Variants in KMT2C observed in about 807,000 individuals in gnomAD.
The protein encoded by KMT2C is lysine methyltransferase 2C.
KMT2C carries 88 observed loss-of-function variants against 507.9 expected under a neutral mutation model. That is an observed-to-expected ratio of 0.17 (90% CI 0.15 to 0.21). The LOEUF (loss-of-function observed/expected upper bound fraction) is 0.21, where lower values mean the gene tolerates loss of function less well. Ranked by LOEUF, KMT2C falls within the 10% of genes least tolerant of loss-of-function variation. The pLI, the probability that KMT2C is intolerant of heterozygous loss-of-function variation, is 1.00. For missense variants in KMT2C, 4,954 were observed against 5,957.8 expected (o/e 0.83, Z 5.55); for synonymous variants, 2,049 against 2,080.8 (o/e 0.98, Z 0.42).
rs184570686 is a variant in KMT2C at position 152,162,101 on chromosome 7, T to C, written c.11460+16A>G. The C allele has an allele frequency of 4.0e-5, 60 of 1,500,604 alleles. No homozygotes were observed. In the East Asian group the frequency reaches 1.2e-3, roughly 30 times the overall value. 93.0% of individuals were successfully genotyped at this position (1,500,604 alleles called of 1,614,324 possible). On this transcript the variant is annotated intron_variant, in intron 43 of 58. Transcript: ENST00000262189. The stretch of plus-strand genomic sequence containing the variant: ...AACAAAAGAAAAAAGTTGTCGTTTT[T>C]ATGATTTACACTTACCAGTCCTTCA...
intron 38 of KMT2C, 149 bp downstream of exon 38, chr7:152,176,042 C>A: frequency 1.1e-6 from 1 of 897,338 alleles, no homozygotes; most frequent in Admixed American, 2.6e-5. Flanking sequence ...GACTCCGTCT[C>A]AAAACAAAAC....
chr7:152,325,711 G>A (rs1461294873), intron 3 of KMT2C, among the ~76,000 whole-genome samples: 2 of 152,104 alleles, frequency 1.3e-5, no homozygotes, highest in Non-Finnish European at 2.9e-5. Context: ...CTCCCAAAGT[G>A]CTAGGATTAT....
chr7:152,415,004 T>C (rs889073028), intron 1 of KMT2C, among the ~76,000 whole-genome samples: 5 of 151,902 alleles, frequency 3.3e-5, no homozygotes, highest in African/African-American at 1.2e-4. Flanking sequence ...GCATACCACA[T>C]GCAGCTAATT....
At chr7:152,150,742 C>T (rs1361851362) in intron 51 of KMT2C, among the ~76,000 whole-genome samples, 158 bp downstream of exon 51, 1 of 152,148 alleles carries the variant, frequency 6.6e-6, no homozygotes, top group Non-Finnish European at 1.5e-5. Context: ...CTCAAGGCTC[C>T]CTACACCCTC....
intron 3 of KMT2C, among the ~76,000 whole-genome samples, chr7:152,318,238 A>G (rs900338371): frequency 6.6e-6 from 1 of 152,216 alleles, no homozygotes; most frequent in African/African-American, 2.4e-5. Context: ...AATGTAAACC[A>G]AAACCACCAA....
chr7:152,304,357 T>C (rs1355341629), intron 6 of KMT2C, among the ~76,000 whole-genome samples: 1 of 152,204 alleles, frequency 6.6e-6, no homozygotes, highest in East Asian at 1.9e-4. Context: ...AATAAAAATA[T>C]TGAATGTTTA....
chr7:152,366,939 G>A (rs2097251841), intron 1 of KMT2C: 2 of 486,716 alleles, frequency 4.1e-6, no homozygotes, highest in South Asian at 4.9e-5. Flanking sequence ...TGGCGGGCAC[G>A]ATCGCAAGGT....
chr7:152,424,633 G>A (rs546200148), intron 1 of KMT2C, among the ~76,000 whole-genome samples: 7 of 152,096 alleles, frequency 4.6e-5, no homozygotes, highest in South Asian at 2.1e-4. Flanking sequence ...TATATTGCCC[G>A]GGCTGGTCTT....
chr7:152,271,989 A>G lies in KMT2C; in HGVS notation c.1012+1716T>C, dbSNP rs1224902088. ...AATTTGTGGTTACGTCTGGAGTTAT[A>G]TATTTTTGGGGGGGGTCTCTCTATT... On this transcript the variant is annotated intron_variant, in intron 7 of 58. Coordinates refer to ENST00000262189, the MANE Select transcript of KMT2C (RefSeq NM_170606.3). Among the ~76,000 whole-genome samples the G allele has an allele frequency of 1.1e-4, 16 of 152,072 alleles. No homozygotes were observed. In the South Asian group the frequency reaches 2.5e-3, roughly 24 times the overall value.
At position 152,182,328 on chromosome 7, in the gene KMT2C, A is replaced by C. The variant is rs151322246; in HGVS notation, c.5532T>G (p.Asp1844Glu). Residue 1844 changes from aspartate to glutamate, a missense_variant, in exon 36 of 59, where the codon GAT (aspartate) becomes GAG (glutamate). Coordinates refer to ENST00000262189, the MANE Select transcript of KMT2C (RefSeq NM_170606.3). ...GAGCTTGTGGCTTTACAAACACATC[A>C]TCTGAAGATGTAGACGTAGGGGTAC... ...PPSTPTSTSS[D>E]DVFVKPQAPP... 2.5e-6 allele frequency: 4 copies of C among 1,614,120 alleles called. No individual in the cohort carries two copies. Among genetic ancestry groups the C allele is most frequent in the Non-Finnish European group, 3.4e-6 (4 of 1,180,020 alleles).
At chr7:152,258,385 T>A (rs2058757694) in intron 9 of KMT2C, among the ~76,000 whole-genome samples, 1 of 152,198 alleles carries the variant, frequency 6.6e-6, no homozygotes, top group Admixed American at 6.5e-5. Flanking sequence ...GTGTTCTTGC[T>A]TACAAAAGAA....
chr7:152,204,003 C>T (rs1374179745), intron 25 of KMT2C, among the ~76,000 whole-genome samples: 1 of 152,094 alleles, frequency 6.6e-6, no homozygotes. Context: ...GAATAGAAGA[C>T]AAAGCTTAAG....
chr7:152,185,539 G>C lies in KMT2C; in HGVS notation c.5082+19C>G. ...ACTGTATTTAAATATTTAAAAGATA[G>C]AGGAGTTTCTTAAAATACCACATAT... On this transcript the variant is annotated intron_variant, in intron 34 of 58. Transcript: ENST00000262189. 1.4e-6 allele frequency: 1 copy of C among 710,114 alleles called. No individual in the cohort carries two copies. Among genetic ancestry groups the C allele is most frequent in the Non-Finnish European group, 2.2e-6 (1 of 454,154 alleles). The allele number at this position is 710,114 out of a possible 1,614,324, so 44.0% of individuals were successfully genotyped here. A position where few individuals can be genotyped will look rare whatever the true frequency, so the allele number is the denominator to read the frequency against.
intron 2 of KMT2C, among the ~76,000 whole-genome samples, chr7:152,356,618 C>A (rs576711347): frequency 1.3e-5 from 2 of 150,226 alleles, no homozygotes; most frequent in South Asian, 4.2e-4. Context: ...AGGCACGGCG[C>A]GGTGACTCAC....
At chr7:152,416,627 G>A (rs551493524) in intron 1 of KMT2C, among the ~76,000 whole-genome samples, 2 of 151,250 alleles carry the variant, frequency 1.3e-5, no homozygotes, top group Admixed American at 6.6e-5. Flanking sequence ...GGGAGGCTAA[G>A]ACAGGAGAAC....
intron 1 of KMT2C, chr7:152,368,085 C>A: frequency 1.1e-6 from 1 of 908,840 alleles, no homozygotes; most frequent in South Asian, 1.3e-5. Flanking sequence ...CTGTTTACCT[C>A]TTGCTGTGGT....
In KMT2C at chr7:152,171,338, G is replaced by A. The variant is rs2129108616; in HGVS notation, c.9379C>T (p.Pro3127Ser). Residue 3127 changes from proline to serine, a missense_variant, in exon 40 of 59, where the codon CCT (proline) becomes TCT (serine). Around this residue, in one of 29 missense-constraint regions of KMT2C, gnomAD observed 1,689 missense variants for 1,654.3 expected, o/e 1.02. Coordinates refer to ENST00000262189, the MANE Select transcript of KMT2C (RefSeq NM_170606.3). ...CCAGTTACCACCTGGCCCATAAAAG[G>A]GAACCTGTCAAAACAGGGTACACAA... is the stretch of plus-strand genomic sequence containing the variant. Reference protein sequence around the residue: ...GMPPMVMSRFPFMGQVVTGTQ... With the variant: ...GMPPMVMSRFSFMGQVVTGTQ... 6.2e-7 allele frequency: 1 copy of A among 1,601,584 alleles called. No individual in the cohort carries two copies. The highest frequency in any genetic ancestry group is 8.5e-7 in the Non-Finnish European group (1 of 1,173,526).
rs1563768364 is a variant in KMT2C, at chr7:152,297,095, A to AG, written c.849+12870_849+12871insC. ...AGAGAGAGAGAGAGAGAGAGAGAGA[A>AG]AGAAAGAAAGACGTGAATATATGTG... On this transcript the variant is annotated intron_variant, in intron 6 of 58. Transcript: ENST00000262189. Among the ~76,000 whole-genome samples, 457 of 109,358 alleles carry AG rather than the reference A, an allele frequency of 4.2e-3. 1 individual carries two copies. The highest frequency in any genetic ancestry group is 7.7e-3 in the Non-Finnish European group (355 of 46,404). The allele number at this position is 109,358 out of a possible 152,430, so 71.7% of individuals were successfully genotyped here. A position where few individuals can be genotyped will look rare whatever the true frequency, so the allele number is the denominator to read the frequency against.
chr7:152,286,969 A>C (rs1348939231), intron 6 of KMT2C, among the ~76,000 whole-genome samples: 1 of 152,246 alleles, frequency 6.6e-6, no homozygotes, highest in Non-Finnish European at 1.5e-5. Context: ...CAAATGGTAC[A>C]AATAAAAGCC....
Sources: allele counts gnomAD v4.1 joint callset (sites outside exome capture counted in the v4.1 genomes callset), GRCh38; gene constraint gnomAD v4.1.1; regional missense constraint gnomAD v4.1.1; transcripts MANE v1.5; gene names NCBI Gene and HGNC (gene_info 2026-07-23, HGNC 2026-07-21).